The following YIPF1 variants were observed in gnomAD, a reference collection of about 807,000 sequenced individuals.
YIPF1 encodes the protein Yip1 domain family member 1, also known as protein YIPF1.
In YIPF1, 22 loss-of-function variants were observed where a neutral mutation model predicts 37.0. The ratio of observed to expected loss-of-function variants is 0.59; its 90% CI spans 0.42 to 0.85. YIPF1 has a LOEUF of 0.85. Among genes scored for constraint, YIPF1 ranks in the 40% least tolerant of loss-of-function variants. The probability of loss-of-function intolerance (pLI) is 0.00; values close to 1 mark genes in which losing one functional copy is unlikely to be tolerated. For missense variants in YIPF1, 355 were observed against 373.1 expected, an observed-to-expected ratio of 0.95 and a Z score of 0.40; for synonymous variants, 128 against 131.9, an observed-to-expected ratio of 0.97 and a Z score of 0.21.
At chr1:53,873,703 T>G (rs1005521607) in intron 6 of YIPF1, among the ~76,000 whole-genome samples, 67 of 138,236 alleles carry the variant, frequency 4.8e-4, no homozygotes, top group East Asian at 1.3e-3. Flanking sequence ...AAAAAAAAAG[T>G]GGGGGCGGGG....
chr1:53,867,367 C>CTTTTTTT (rs57424528), intron 7 of YIPF1, among the ~76,000 whole-genome samples: 6 of 111,582 alleles, frequency 5.4e-5, no homozygotes, highest in Non-Finnish European at 9.0e-5. Context: ...CACTGACTTC[C>CTTTTTTT]TTTTTTTTTT....
rs748758376 is a variant in YIPF1, at chr1:53,860,104, G to C, written c.881C>G (p.Ala294Gly). 6 of 1,614,026 alleles carry C rather than the reference G, an allele frequency of 3.7e-6. No individual in the cohort carries two copies. In the Admixed American group the frequency reaches 1.0e-4, roughly 27 times the overall value. The change falls in exon 10 of 11, where the codon GCT becomes GGT. Residue 294 changes from alanine (A) to glycine (G), a missense_variant. Physicochemically the swap from Ala to Gly is moderately conservative, Grantham distance 60 (BLOSUM62 0). Transcript: ENST00000072644. Reference sequence around the variant, plus strand: ...TGCAGCAACTGTTTGGTTTGGAGTAGCTGTAGTTGTTGGGAGATGGTCCAT... The same window carrying C: ...TGCAGCAACTGTTTGGTTTGGAGTACCTGTAGTTGTTGGGAGATGGTCCAT... ...PEMDHLPTTT[A>G]TPNQTVAAAK...
In YIPF1 at chr1:53,866,813, A is replaced by AATG. The variant is rs1371983598; in HGVS notation, c.590_592dup (p.Ser197dup). On this transcript the variant is annotated inframe_insertion, in exon 8 of 11. Coordinates refer to ENST00000072644, the MANE Select transcript of YIPF1 (RefSeq NM_018982.5). ...TCCATAGACACACACAATCTCCAGA[A>AATG]ATGAATAGGAGACGATGTTCATAAC... 1 of 1,614,102 alleles carries AATG rather than the reference A, an allele frequency of 6.2e-7. No individual in the cohort carries two copies. The highest frequency in any genetic ancestry group is 8.5e-7 in the Non-Finnish European group (1 of 1,180,046).
At chr1:53,871,549 AC>A in intron 6 of YIPF1, 61 bp from the exon 7 acceptor site, 1 of 1,319,182 alleles carries the variant, frequency 7.6e-7, no homozygotes, top group Non-Finnish European at 1.1e-6. Flanking sequence ...TTAGATTCTT[AC>A]AGAATTTCTT....
At chr1:53,856,341 C>G (rs771347216) in intron 10 of YIPF1, among the ~76,000 whole-genome samples, 41 of 152,182 alleles carry the variant, frequency 2.7e-4, no homozygotes, top group Non-Finnish European at 5.3e-4. Flanking sequence ...AATGAAATAA[C>G]TTAAGTCCTA....
chr1:53,858,396 A>G (rs1649779591), intron 10 of YIPF1, among the ~76,000 whole-genome samples: 1 of 152,214 alleles, frequency 6.6e-6, no homozygotes, highest in Non-Finnish European at 1.5e-5. Flanking sequence ...TGATCAAGGT[A>G]AAGTCAGTGG....
chr1:53,876,769 C>A (rs963943851), intron 6 of YIPF1, among the ~76,000 whole-genome samples: 27 of 152,242 alleles, frequency 1.8e-4, no homozygotes, highest in African/African-American at 5.3e-4. Flanking sequence ...TTGGATCTGG[C>A]ATAAGGATTA....
At chr1:53,865,908 A>G (rs565957293) in intron 9 of YIPF1, among the ~76,000 whole-genome samples, 1 of 151,988 alleles carries the variant, frequency 6.6e-6, no homozygotes, top group East Asian at 1.9e-4. Flanking sequence ...TCAGCCTCCC[A>G]AGTACCAGCT....
At position 53,860,070 on chromosome 1, in the gene YIPF1, G is replaced by T. The variant is rs1215219505; in HGVS notation, c.915C>A (p.Ser305=). 3.1e-6 allele frequency: 5 copies of T among 1,613,966 alleles called. No individual in the cohort carries two copies. In the African/African-American group the frequency reaches 6.7e-5, roughly 22 times the overall value. Residue 305 remains serine (S), a synonymous_variant, in exon 10 of 11, where the codon TCC becomes TCA. Coordinates refer to ENST00000072644, the MANE Select transcript of YIPF1 (RefSeq NM_018982.5). The part of the protein sequence containing the change: ...TPNQTVAAAK[S]S ...GAATCTCTTACTTTCCTCATTAGCT[G>T]GACTTGGCTGCAGCAACTGTTTGGT...
At chr1:53,852,994 A>C (rs566582234) in intron 10 of YIPF1, among the ~76,000 whole-genome samples, 4 of 152,224 alleles carry the variant, frequency 2.6e-5, no homozygotes, top group Non-Finnish European at 5.9e-5. Context: ...GAGATGAAAA[A>C]TACTTCAGAG....
intron 4 of YIPF1, among the ~76,000 whole-genome samples, chr1:53,881,965 C>T (rs931254713): frequency 1.3e-5 from 2 of 152,090 alleles, no homozygotes; most frequent in African/African-American, 4.8e-5. Context: ...AACCTAAATG[C>T]CCATCAATGA....
rs556041697 is a variant in YIPF1, at chr1:53,862,693, T to C, written c.832-2540A>G. 8.5e-5 allele frequency among the ~76,000 whole-genome samples: 13 copies of C among 152,252 alleles called. No homozygotes were observed. The South Asian group carries it at 2.7e-3, about 32-fold the overall frequency. On this transcript the variant is annotated intron_variant, in intron 9 of 10. Coordinates refer to ENST00000072644, the MANE Select transcript of YIPF1 (RefSeq NM_018982.5). The stretch of plus-strand genomic sequence containing the variant: ...AGCTGTCTGGTTCAGCCGGTGCCCC[T>C]CAGCTCAAATAACTCCCCTGCCAGT...
At chr1:53,888,131 C>T (rs1307951030) in intron 3 of YIPF1, among the ~76,000 whole-genome samples, 1 of 152,150 alleles carries the variant, frequency 6.6e-6, no homozygotes, top group Non-Finnish European at 1.5e-5. Flanking sequence ...AAGGCTGAGG[C>T]AGGAGAATCG....
intron 6 of YIPF1, among the ~76,000 whole-genome samples, chr1:53,876,658 C>A (rs1450004355): frequency 6.6e-6 from 1 of 152,178 alleles, no homozygotes; most frequent in Non-Finnish European, 1.5e-5. Flanking sequence ...TTGAGCCCAG[C>A]ACTTACTAGC....
chr1:53,865,112 C>T (rs1438042288), intron 9 of YIPF1, among the ~76,000 whole-genome samples: 1 of 152,204 alleles, frequency 6.6e-6, no homozygotes, highest in Admixed American at 6.5e-5. Flanking sequence ...AAAGTAACTC[C>T]ACTTTCCCAT....
At chr1:53,877,554 A>G (rs1209733427) in intron 6 of YIPF1, among the ~76,000 whole-genome samples, 1 of 152,056 alleles carries the variant, frequency 6.6e-6, no homozygotes, top group Non-Finnish European at 1.5e-5. Flanking sequence ...TACTGGGTGG[A>G]CCTCTGAGTT....
At chr1:53,861,678 A>AAGGGAGGGGGGAAGGGAGGAAGGG (rs1649882374) in intron 9 of YIPF1, among the ~76,000 whole-genome samples, 1 of 128,416 alleles carries the variant, frequency 7.8e-6, no homozygotes, top group Non-Finnish European at 1.6e-5. Flanking sequence ...GGAAGGAAGG[A>AAGGGAGGGGGGAAGGGAGGAAGGG]AGGGAGAGAG....
chr1:53,866,363 T>C lies in YIPF1; in HGVS notation c.668A>G (p.Gln223Arg). 6.2e-7 allele frequency: 1 copy of C among 1,614,084 alleles called. No homozygotes were observed. The highest frequency in any genetic ancestry group is 8.5e-7 in the Non-Finnish European group (1 of 1,180,008). ...IPTAILWIIP[Q>R]KAVRWILVMI... ...GACTAGAATCCAACGAACAGCTTTC[T>C]GGGGGATAATCCACAGTATCTGAAA... Residue 223 changes from glutamine to arginine, a missense_variant, in exon 9 of 11, where the codon CAG becomes CGG. Physicochemically the swap from Gln to Arg is conservative, Grantham distance 43 (BLOSUM62 1). Transcript: ENST00000072644.
Position 53,878,074 on chromosome 1 carries a change from G to A in YIPF1, c.364+241C>T, listed in dbSNP as rs558482164. ...TGGGATTATAGGCATGAGCCACTGCGCTCAGCCCCATTTAAAGACCTTTGA... is the reference window on the plus strand; with the variant it reads ...TGGGATTATAGGCATGAGCCACTGCACTCAGCCCCATTTAAAGACCTTTGA... On this transcript the variant is annotated intron_variant, in intron 6 of 10. Coordinates refer to ENST00000072644, the MANE Select transcript of YIPF1 (RefSeq NM_018982.5). Among the ~76,000 whole-genome samples, 5 of 152,320 alleles carry A rather than the reference G, an allele frequency of 3.3e-5. No individual in the cohort carries two copies. The East Asian group carries it at 5.8e-4, about 18-fold the overall frequency.
Sources: allele counts gnomAD v4.1 joint callset (sites outside exome capture counted in the v4.1 genomes callset), GRCh38; gene constraint gnomAD v4.1.1; transcripts MANE v1.5; gene names NCBI Gene and HGNC (gene_info 2026-07-23, HGNC 2026-07-21).